HS3ST5: variants seen among roughly 807,000 people sequenced by gnomAD.
HS3ST5 encodes the protein heparan sulfate-glucosamine 3-sulfotransferase 5.
In HS3ST5, 10 loss-of-function variants were observed where a neutral mutation model predicts 25.4. That is an observed-to-expected ratio of 0.39 (90% CI 0.24 to 0.67). HS3ST5 has a LOEUF of 0.67. HS3ST5 is among the 30% of genes least tolerant of loss of function. HS3ST5 has a pLI of 0.44. For missense variants in HS3ST5, 324 were observed against 420.7 expected (o/e 0.77, Z 2.01); for synonymous variants, 170 against 162.4 (o/e 1.05, Z -0.36).
At chr6:114,174,591 T>C (rs1779631633) in intron 2 of HS3ST5, among the ~76,000 whole-genome samples, 2 of 152,232 alleles carry the variant, frequency 1.3e-5, no homozygotes, top group Admixed American at 1.3e-4. Context: ...AAAAATTACT[T>C]ACCAAAGTCG....
intron 3 of HS3ST5, among the ~76,000 whole-genome samples, chr6:114,157,819 C>CT (rs1392930733): frequency 6.6e-6 from 1 of 152,204 alleles, no homozygotes; most frequent in Non-Finnish European, 1.5e-5. Flanking sequence ...TTAATGCTTG[C>CT]TTTTTTAGCA....
intron 1 of HS3ST5, among the ~76,000 whole-genome samples, chr6:114,272,662 G>C (rs1300198726): frequency 3.3e-5 from 5 of 152,046 alleles, no homozygotes; most frequent in Non-Finnish European, 7.4e-5. Context: ...TTCAGCCCAG[G>C]ATCCACGTGG....
At chr6:114,231,995 T>C (rs1582741649) in intron 1 of HS3ST5, among the ~76,000 whole-genome samples, 1 of 152,232 alleles carries the variant, frequency 6.6e-6, no homozygotes, top group Admixed American at 6.5e-5. Flanking sequence ...TTCAGTTATA[T>C]GTGAATCTAG....
At chr6:114,145,930 C>T (rs1778140184) in intron 3 of HS3ST5, among the ~76,000 whole-genome samples, 1 of 152,114 alleles carries the variant, frequency 6.6e-6, no homozygotes, top group Admixed American at 6.5e-5. Flanking sequence ...TGTCGCATCA[C>T]CTTTAAACCA....
intron 3 of HS3ST5, among the ~76,000 whole-genome samples, chr6:114,077,456 T>C (rs1222572720): frequency 6.6e-6 from 1 of 152,196 alleles, no homozygotes; most frequent in East Asian, 1.9e-4. Flanking sequence ...TTTGACCTGC[T>C]AGGGAGCTCA....
intron 3 of HS3ST5, among the ~76,000 whole-genome samples, chr6:114,064,418 G>A (rs989915063): frequency 1.3e-5 from 2 of 152,176 alleles, no homozygotes; most frequent in African/African-American, 4.8e-5. Context: ...TTATGATAAT[G>A]TATGAATAAG....
chr6:114,196,302 A>G (rs971125471), intron 2 of HS3ST5, among the ~76,000 whole-genome samples: 2 of 152,288 alleles, frequency 1.3e-5, no homozygotes, highest in Middle Eastern at 6.8e-3. Flanking sequence ...ATGGGGGTCT[A>G]TATTCTGTAG....
At chr6:114,223,077 T>C (rs372585608) in intron 2 of HS3ST5, among the ~76,000 whole-genome samples, 1 of 151,696 alleles carries the variant, frequency 6.6e-6, no homozygotes, top group Non-Finnish European at 1.5e-5. Context: ...TGAAATATAA[T>C]AGTTCGATTT....
At chr6:114,252,833 A>G (rs1199293635) in intron 1 of HS3ST5, among the ~76,000 whole-genome samples, 2 of 152,172 alleles carry the variant, frequency 1.3e-5, no homozygotes, top group African/African-American at 4.8e-5. Context: ...TATGCAAGAG[A>G]ATTATAATGC....
chr6:114,161,551 A>ATATATG (rs1778964320), intron 3 of HS3ST5, among the ~76,000 whole-genome samples: 1 of 92,844 alleles, frequency 1.1e-5, no homozygotes, highest in African/African-American at 3.7e-5. Context: ...ATATATATAT[A>ATATATG]TATATATATA....
At chr6:114,124,191 A>G (rs1344269809) in intron 3 of HS3ST5, among the ~76,000 whole-genome samples, 1 of 152,082 alleles carries the variant, frequency 6.6e-6, no homozygotes, top group East Asian at 1.9e-4. Flanking sequence ...CATGGACCTG[A>G]TACCTTAGAC....
At chr6:114,227,387 A>C (rs1771350408) in intron 2 of HS3ST5, among the ~76,000 whole-genome samples, 1 of 151,856 alleles carries the variant, frequency 6.6e-6, no homozygotes. Flanking sequence ...TTGATTAAAA[A>C]CTTCAGCCTT....
chr6:114,249,134 C>T (rs551605316), intron 1 of HS3ST5, among the ~76,000 whole-genome samples: 31 of 152,270 alleles, frequency 2.0e-4, no homozygotes, highest in Middle Eastern at 3.4e-3. Flanking sequence ...CTTGTGATTT[C>T]CTCTTTTCTC....
At chr6:114,321,739 T>C (rs1051356986) in intron 1 of HS3ST5, among the ~76,000 whole-genome samples, 3 of 152,172 alleles carry the variant, frequency 2.0e-5, no homozygotes, top group African/African-American at 7.2e-5. Flanking sequence ...AAAATATGCA[T>C]GTCAATGTAT....
At position 114,058,162 on chromosome 6, in the gene HS3ST5, G is replaced by A; in HGVS notation, c.136C>T (p.Arg46Ter). 6.2e-7 allele frequency: 1 copy of A among 1,608,074 alleles called. No homozygotes were observed. The highest frequency in any genetic ancestry group is 8.5e-7 in the Non-Finnish European group (1 of 1,175,420). ...RLQPICPIEGRLGGARTQAEF... is the reference protein window; with the variant it reads ...RLQPICPIEG ...GCCTGAGTGCGGGCTCCACCCAGTC[G>A]ACCTTCAATGGGGCAAATGGGTTGT... Residue 46 changes from arginine (R) to a stop codon, truncating the protein, a stop_gained, in exon 5 of 5, where the codon CGA (arginine) becomes TGA (stop). Coordinates refer to ENST00000312719, the MANE Select transcript of HS3ST5 (RefSeq NM_153612.4). LOFTEE classifies it high-confidence loss of function.
At chr6:114,296,462 C>A (rs1774828643) in intron 1 of HS3ST5, among the ~76,000 whole-genome samples, 1 of 152,186 alleles carries the variant, frequency 6.6e-6, no homozygotes, top group African/African-American at 2.4e-5. Context: ...ATTCATCCAT[C>A]TCCATAACCA....
intron 3 of HS3ST5, among the ~76,000 whole-genome samples, chr6:114,125,695 AC>A (rs1217789586): frequency 6.6e-6 from 1 of 152,198 alleles, no homozygotes; most frequent in East Asian, 1.9e-4. Flanking sequence ...ATTAATAGAT[AC>A]CCACTGTGCA....
intron 3 of HS3ST5, among the ~76,000 whole-genome samples, chr6:114,094,989 C>T (rs1775345116): frequency 6.6e-6 from 1 of 152,162 alleles, no homozygotes; most frequent in Non-Finnish European, 1.5e-5. Context: ...ATCTCCTTCC[C>T]TTAGTTTAGT....
chr6:114,201,376 A>T (rs1335255685), intron 2 of HS3ST5, among the ~76,000 whole-genome samples: 4 of 152,164 alleles, frequency 2.6e-5, no homozygotes, highest in African/African-American at 4.8e-5. Context: ...GGAGTGGGAA[A>T]TCATAATCTC....
Sources: allele counts gnomAD v4.1 joint callset (sites outside exome capture counted in the v4.1 genomes callset), GRCh38; gene constraint gnomAD v4.1.1; transcripts MANE v1.5; gene names NCBI Gene and HGNC (gene_info 2026-07-23, HGNC 2026-07-21).